Variants in RANBP3 observed in about 807,000 individuals in gnomAD.
RANBP3 encodes RAN binding protein 3, also known as ran-binding protein 3.
Under a neutral mutation model 77.3 loss-of-function variants are expected in RANBP3, and 14 were observed. The ratio of observed to expected loss-of-function variants is 0.18; its 90% CI spans 0.12 to 0.28. The LOEUF (loss-of-function observed/expected upper bound fraction) is 0.28, where lower values mean the gene tolerates loss of function less well. Among genes scored for constraint, RANBP3 ranks in the 10% least tolerant of loss-of-function variants. The probability of loss-of-function intolerance (pLI) is 1.00; values close to 1 mark genes in which losing one functional copy is unlikely to be tolerated. For missense variants in RANBP3, 586 were observed against 752.3 expected (o/e 0.78, Z 2.59); for synonymous variants, 315 against 312.4 (o/e 1.01, Z -0.09).
At chr19:5,923,692 T>C (rs1599722567) in intron 12 of RANBP3, 120 bp downstream of exon 12, 1 of 724,416 alleles carries the variant, frequency 1.4e-6, no homozygotes, top group South Asian at 1.7e-5. Context: ...GGTTCACATG[T>C]GGTTGTTACT....
rs1304731910 is a variant in RANBP3, at chr19:5,941,721, TGAG to T, written c.320-17_320-15del. 1 of 1,613,024 alleles carries T rather than the reference TGAG, an allele frequency of 6.2e-7. No homozygotes were observed. ...CTCTGTCAGAATCTACAGAAAATGA[TGAG>T]AAGAGGAGGAGAAAAATCAGGTTGC... On this transcript the variant is annotated splice_polypyrimidine_tract_variant and intron_variant, in intron 4 of 16. Transcript: ENST00000340578.
rs1299223842 is a variant in RANBP3 at position 5,931,528 on chromosome 19, G to A, written c.569C>T (p.Pro190Leu). ...GCTGACCCCGTTGGTGCCACTGCTG[G>A]GGACTGTGGGAGGGAAGGAGAGTGG... Reference protein sequence around the residue: ...PQPKALSQTVPSSGTNGVSLP... With the variant: ...PQPKALSQTVLSSGTNGVSLP... The change falls in exon 8 of 17, where the codon CCC becomes CTC. Residue 190 changes from proline (P) to leucine (L), a missense_variant. Pro to Leu is a moderately conservative substitution (Grantham distance 98). Coordinates refer to ENST00000340578, the MANE Select transcript of RANBP3 (RefSeq NM_007322.3). 1.2e-6 allele frequency: 2 copies of A among 1,607,252 alleles called. No homozygotes were observed. Among genetic ancestry groups the A allele is most frequent in the South Asian group, 2.2e-5 (2 of 90,716 alleles).
At chr19:5,919,518 G>C (rs1326006634) in intron 14 of RANBP3, among the ~76,000 whole-genome samples, 1 of 152,238 alleles carries the variant, frequency 6.6e-6, no homozygotes, top group Admixed American at 6.5e-5. Flanking sequence ...CCCAGGCAGA[G>C]GGGATGACCT....
Position 5,918,537 on chromosome 19 carries a change from T to C in RANBP3, c.1432A>G (p.Met478Val), listed in dbSNP as rs373383567. Residue 478 changes from methionine to valine, a missense_variant, in exon 15 of 17, where the codon ATG (methionine) becomes GTG (valine). By Grantham distance (21) the Met-to-Val change is conservative. This residue lies in a region of RANBP3 where 128 missense variants were observed against 157.0 expected (regional missense o/e 0.82). Coordinates refer to ENST00000340578, the MANE Select transcript of RANBP3 (RefSeq NM_007322.3). ...ASEKSIRITA[M>V]DTEDQGVKVF... ...TTCACGCCCTGGTCCTCGGTGTCCA[T>C]GGCTGTGATGCGAATGCTCTTCTCG... 5 of 1,613,148 alleles carry C rather than the reference T, an allele frequency of 3.1e-6. No individual in the cohort carries two copies. In the African/African-American group the frequency reaches 4.0e-5, roughly 13 times the overall value.
intron 3 of RANBP3, 70 bp from the exon 4 acceptor site, chr19:5,941,905 C>G (rs1334271195): frequency 5.1e-6 from 8 of 1,567,800 alleles, no homozygotes; most frequent in South Asian, 4.4e-5. Flanking sequence ...CTCTCGGGGC[C>G]GTAACAAATA....
intron 3 of RANBP3, among the ~76,000 whole-genome samples, chr19:5,947,736 C>T (rs1310962685): frequency 1.3e-5 from 2 of 152,182 alleles, no homozygotes; most frequent in Admixed American, 1.3e-4. Context: ...ATGTGCCCCA[C>T]GTCCCTGCCG....
intron 2 of RANBP3, 63 bp downstream of exon 2, chr19:5,957,855 C>T: frequency 1.9e-6 from 3 of 1,578,228 alleles, no homozygotes; most frequent in South Asian, 2.2e-5. Flanking sequence ...GGAAAAGAGA[C>T]TCTCAGTAAA....
chr19:5,974,865 T>G (rs10406420), intron 1 of RANBP3, among the ~76,000 whole-genome samples: 15,749 of 152,180 alleles, frequency 0.1, 1,031 homozygotes, highest in African/African-American at 0.18. Flanking sequence ...CAGGGGGTAC[T>G]GATGCCCAGC....
chr19:5,925,112 G>C (rs1423177224), intron 10 of RANBP3: 17 of 582,272 alleles, frequency 2.9e-5, no homozygotes, highest in Non-Finnish European at 5.2e-5. Context: ...CTGATGGAGG[G>C]GCCCCACAGC....
chr19:5,957,547 CCT>C (rs1358365969), intron 2 of RANBP3, among the ~76,000 whole-genome samples: 4 of 150,434 alleles, frequency 2.7e-5, no homozygotes, highest in Admixed American at 6.6e-5. Context: ...TCCCTCCCTC[CCT>C]GACTCCCTCC....
chr19:5,940,300 G>C (rs1029601793), intron 5 of RANBP3, among the ~76,000 whole-genome samples: 1 of 152,214 alleles, frequency 6.6e-6, no homozygotes, highest in Admixed American at 6.5e-5. Context: ...TGGTTCAGCA[G>C]TGGGCAGTGA....
chr19:5,938,784 T>C (rs1568460066), intron 5 of RANBP3, among the ~76,000 whole-genome samples: 1 of 151,952 alleles, frequency 6.6e-6, no homozygotes, highest in Non-Finnish European at 1.5e-5. Context: ...AAAAAAGAGG[T>C]CTAGAAATTC....
At chr19:5,948,358 A>G (rs1232984462) in intron 3 of RANBP3, among the ~76,000 whole-genome samples, 1 of 152,076 alleles carries the variant, frequency 6.6e-6, no homozygotes, top group African/African-American at 2.4e-5. Context: ...AGGCTGAGGC[A>G]GGAGAACGGC....
chr19:5,945,479 G>A (rs2058192303), intron 3 of RANBP3, among the ~76,000 whole-genome samples: 1 of 152,192 alleles, frequency 6.6e-6, no homozygotes, highest in East Asian at 1.9e-4. Flanking sequence ...GCCCCCCATG[G>A]AGAATTTTCC....
chr19:5,933,099 G>C lies in RANBP3; in HGVS notation c.472+315C>G. On this transcript the variant is annotated intron_variant, in intron 6 of 16. Coordinates refer to ENST00000340578, the MANE Select transcript of RANBP3 (RefSeq NM_007322.3). ...TGGGGCGAACACTGTGGTATGTGGG[G>C]GCCAGAACATGAAGGACAGACAGGC... 8.2e-6 allele frequency: 3 copies of C among 366,122 alleles called. No homozygotes were observed. The South Asian group carries it at 1.2e-4, about 15-fold the overall frequency. The allele number at this position is 366,122 out of a possible 1,614,324, so 22.7% of individuals were successfully genotyped here.
chr19:5,971,451 A>C (rs557181088), intron 1 of RANBP3, among the ~76,000 whole-genome samples: 1 of 152,136 alleles, frequency 6.6e-6, no homozygotes, highest in African/African-American at 2.4e-5. Flanking sequence ...GGTGTTTGCC[A>C]CTGTGCCCGG....
intron 2 of RANBP3, among the ~76,000 whole-genome samples, chr19:5,957,006 A>C (rs1030101233): frequency 7.3e-5 from 11 of 150,946 alleles, no homozygotes; most frequent in Non-Finnish European, 1.5e-4. Flanking sequence ...GGACTGCTGC[A>C]GCGGGTATGA....
chr19:5,965,120 T>G (rs545477803), intron 1 of RANBP3, among the ~76,000 whole-genome samples: 37 of 151,452 alleles, frequency 2.4e-4, no homozygotes, highest in Non-Finnish European at 4.1e-4. Flanking sequence ...CAGGGGGCAG[T>G]AGGTCTCTGA....
chr19:5,949,747 T>C (rs2058251772), intron 3 of RANBP3, among the ~76,000 whole-genome samples: 1 of 152,058 alleles, frequency 6.6e-6, no homozygotes, highest in Non-Finnish European at 1.5e-5. Context: ...ATCAGGATGC[T>C]GAGATCTACC....
Sources: allele counts gnomAD v4.1 joint callset (sites outside exome capture counted in the v4.1 genomes callset), GRCh38; gene constraint gnomAD v4.1.1; regional missense constraint gnomAD v4.1.1; transcripts MANE v1.5; gene names NCBI Gene and HGNC (gene_info 2026-07-23, HGNC 2026-07-21).